Variants in TP63 observed in about 807,000 individuals in gnomAD.
TP63 encodes the protein tumor protein 63.
In TP63, 17 loss-of-function variants were observed where a neutral mutation model predicts 82.8. That is an observed-to-expected ratio of 0.21 (90% CI 0.14 to 0.31). The LOEUF (loss-of-function observed/expected upper bound fraction) is 0.31, where lower values mean the gene tolerates loss of function less well. TP63 is among the 10% of genes least tolerant of loss of function. TP63 has a pLI of 1.00. For synonymous variants in TP63, 330 were observed against 321.7 expected, an observed-to-expected ratio of 1.03 and a Z score of -0.28; for missense variants, 648 against 895.3, an observed-to-expected ratio of 0.72 and a Z score of 3.52.
At chr3:189,681,141 A>G (rs1288289828) in intron 1 of TP63, among the ~76,000 whole-genome samples, 1 of 151,488 alleles carries the variant, frequency 6.6e-6, no homozygotes, top group Non-Finnish European at 1.5e-5. Context: ...TGCTCCTATA[A>G]TCTTTCACCT....
At chr3:189,620,520 A>C in the TP63 span, among the ~76,000 whole-genome samples, 3 of 151,738 alleles carry the variant, frequency 2.0e-5, no homozygotes, top group African/African-American at 7.3e-5. Flanking sequence ...AAAAAAACAA[A>C]AAAAAAAAAC....
chr3:189,776,131 A>G (rs1723774673), intron 3 of TP63, among the ~76,000 whole-genome samples: 1 of 152,200 alleles, frequency 6.6e-6, no homozygotes, highest in South Asian at 2.1e-4. Context: ...AAACATTGGG[A>G]CACTTATTTT....
At chr3:189,839,431 A>C (rs964852918) in intron 4 of TP63, among the ~76,000 whole-genome samples, 4 of 152,196 alleles carry the variant, frequency 2.6e-5, no homozygotes, top group Non-Finnish European at 5.9e-5. Flanking sequence ...ATATTATAGG[A>C]ACTTCAGACA....
At chr3:189,671,742 A>G (rs1462612671) in intron 1 of TP63, among the ~76,000 whole-genome samples, 3 of 152,228 alleles carry the variant, frequency 2.0e-5, no homozygotes, top group East Asian at 3.9e-4. Context: ...TCACAGCAAC[A>G]TGGATGAGCC....
intron 1 of TP63, among the ~76,000 whole-genome samples, chr3:189,635,230 A>G (rs1265769134): frequency 6.6e-6 from 1 of 152,126 alleles, no homozygotes; most frequent in Admixed American, 6.6e-5. Flanking sequence ...TGTGTGAATT[A>G]CATATTTGTT....
At chr3:189,856,382 GACATAGCTAAGAAGT>G (rs1432550737) in intron 4 of TP63, among the ~76,000 whole-genome samples, 1 of 151,738 alleles carries the variant, frequency 6.6e-6, no homozygotes, top group Non-Finnish European at 1.5e-5. Context: ...AAACTTTGTG[GACATAGCTAAGAAGT>G]ACCTAGAAGA....
rs751955035 is a variant in TP63, at chr3:189,883,812, A to T, written c.1350-2582A>T. The stretch of plus-strand genomic sequence containing the variant: ...TGTGGTTTCTGACCTACCCTCCTCA[A>T]ATTAGTGGCTTATGATGAAAAATGG... On this transcript the variant is annotated intron_variant, in intron 10 of 13. Transcript: ENST00000264731. 8.9e-4 allele frequency among the ~76,000 whole-genome samples: 136 copies of T among 152,116 alleles called. 3 individuals are homozygous for T. The highest frequency in any genetic ancestry group is 2.6e-4 in the Admixed American group (4 of 15,254).
chr3:189,729,925 GAT>G (rs780641612), intron 1 of TP63, among the ~76,000 whole-genome samples: 10 of 152,158 alleles, frequency 6.6e-5, no homozygotes, highest in African/African-American at 2.4e-4. Context: ...TAAGTATGAT[GAT>G]TAATGATGGA....
Position 189,872,847 on chromosome 3 carries a change from T to A in TP63, c.1213-12T>A, listed in dbSNP as rs769860332. ...TTCATGTTTCCTTCTTTCCTTCTGCTCACTTCCATAGGTGAGGGGCCGTGA... is the reference window on the plus strand; with the variant it reads ...TTCATGTTTCCTTCTTTCCTTCTGCACACTTCCATAGGTGAGGGGCCGTGA... On this transcript the variant is annotated splice_polypyrimidine_tract_variant and intron_variant, in intron 9 of 13. Coordinates refer to ENST00000264731, the MANE Select transcript of TP63 (RefSeq NM_003722.5). The A allele has an allele frequency of 5.0e-6, 8 of 1,614,026 alleles. No individual in the cohort carries two copies. Among genetic ancestry groups the A allele is most frequent in the Non-Finnish European group, 6.8e-6 (8 of 1,180,010 alleles).
At chr3:189,735,930 C>T (rs983590759) in intron 1 of TP63, among the ~76,000 whole-genome samples, 1 of 151,950 alleles carries the variant, frequency 6.6e-6, no homozygotes, top group African/African-American at 2.4e-5. Context: ...ATGTCACTAT[C>T]CCAGTTTTGA....
the TP63 span, among the ~76,000 whole-genome samples, chr3:189,605,162 A>AC: frequency 5.3e-5 from 8 of 152,252 alleles, no homozygotes; most frequent in Admixed American, 3.9e-4. Context: ...TCCTACAAAT[A>AC]CAATAAAAAA....
At chr3:189,826,089 G>T (rs1481844609) in intron 4 of TP63, among the ~76,000 whole-genome samples, 1 of 152,162 alleles carries the variant, frequency 6.6e-6, no homozygotes, top group African/African-American at 2.4e-5. Flanking sequence ...AAAGTTTTAT[G>T]GTTCTTTTTA....
upstream of TP63, among the ~76,000 whole-genome samples, chr3:189,628,260 G>A (rs931884760): frequency 7.9e-5 from 12 of 152,288 alleles, no homozygotes; most frequent in Non-Finnish European, 1.3e-4. Flanking sequence ...GTGAATATGC[G>A]CAGATGGAGT....
chr3:189,808,797 T>C (rs1040699324), intron 4 of TP63, among the ~76,000 whole-genome samples: 1 of 152,212 alleles, frequency 6.6e-6, no homozygotes, highest in South Asian at 2.1e-4. Context: ...TATGTGAAAG[T>C]TCATGGCAAG....
At chr3:189,760,662 T>A (rs1366940368) in intron 3 of TP63, among the ~76,000 whole-genome samples, 1 of 152,210 alleles carries the variant, frequency 6.6e-6, no homozygotes, top group Non-Finnish European at 1.5e-5. Flanking sequence ...TCTACCACTC[T>A]GGGGTCTGGA....
At chr3:189,618,160 G>T in the TP63 span, among the ~76,000 whole-genome samples, 9 of 152,308 alleles carry the variant, frequency 5.9e-5, no homozygotes, top group Admixed American at 3.3e-4. Flanking sequence ...TTCAGTATAT[G>T]TTTCTGACGT....
chr3:189,771,168 A>G (rs1030648125), intron 3 of TP63, among the ~76,000 whole-genome samples: 1 of 150,416 alleles, frequency 6.6e-6, no homozygotes, highest in Non-Finnish European at 1.5e-5. Flanking sequence ...AAATGTGGCT[A>G]TTGTTCAGGA....
the TP63 span, among the ~76,000 whole-genome samples, chr3:189,607,986 C>T: frequency 5.3e-5 from 8 of 151,594 alleles, no homozygotes; most frequent in Non-Finnish European, 1.2e-4. Context: ...AGGTTCAGCC[C>T]TTACAAACAG....
intron 3 of TP63, among the ~76,000 whole-genome samples, chr3:189,796,109 A>G (rs755691770): frequency 1.3e-5 from 2 of 152,068 alleles, no homozygotes; most frequent in African/African-American, 4.8e-5. Context: ...GAAGCTGAAT[A>G]TAAGACATTT....
Sources: gnomAD v4.1 joint callset for allele counts (sites outside exome capture counted in the v4.1 genomes callset) on GRCh38, gnomAD v4.1.1 for gene constraint, MANE v1.5 for transcripts, NCBI Gene and HGNC (gene_info 2026-07-23, HGNC 2026-07-21) for gene names.